NADK2: variants seen among roughly 807,000 people sequenced by gnomAD.
NADK2 encodes NAD kinase 2, mitochondrial.
NADK2 carries 35 observed loss-of-function variants against 62.1 expected under a neutral mutation model. The ratio of observed to expected loss-of-function variants is 0.56; its 90% CI spans 0.43 to 0.75. NADK2 has a LOEUF of 0.75. NADK2 is among the 30% of genes least tolerant of loss of function. The pLI is 0.00. For missense variants in NADK2, 439 were observed against 561.3 expected (o/e 0.78, Z 2.20); for synonymous variants, 205 against 207.9 (o/e 0.99, Z 0.12).
chr5:36,239,058 C>T (rs987275590), intron 1 of NADK2, among the ~76,000 whole-genome samples: 1 of 152,028 alleles, frequency 6.6e-6, no homozygotes. Flanking sequence ...AAAAAACCAC[C>T]ACCACGACAA....
At chr5:36,238,860 A>T (rs1748004517) in intron 1 of NADK2, among the ~76,000 whole-genome samples, 5 of 152,238 alleles carry the variant, frequency 3.3e-5, no homozygotes, top group Admixed American at 2.0e-4. Flanking sequence ...CAAAACTTTG[A>T]CTAGCTTGAA....
At position 36,205,231 on chromosome 5, in the gene NADK2, G is replaced by C. The variant is rs913833306; in HGVS notation, c.956+1939C>G. On this transcript the variant is annotated intron_variant, in intron 8 of 11. Coordinates refer to ENST00000381937, the MANE Select transcript of NADK2 (RefSeq NM_001085411.3). This position sits in a 1 kb window ranked among gnomAD's most constrained non-coding sequence, Gnocchi z 4.1. ...TAATAATGTAATAGCGGCTATAATA[G>C]TGCTATGAGAAAAAGTGTTAGGGAA... Among the ~76,000 whole-genome samples, 1 of 152,014 alleles carries C rather than the reference G, an allele frequency of 6.6e-6. No individual in the cohort carries two copies. Among genetic ancestry groups the C allele is most frequent in the African/African-American group, 2.4e-5 (1 of 41,404 alleles).
At chr5:36,234,811 T>C (rs1026679713) in intron 1 of NADK2, among the ~76,000 whole-genome samples, 7 of 152,154 alleles carry the variant, frequency 4.6e-5, no homozygotes, top group Non-Finnish European at 8.8e-5. Flanking sequence ...AATCTAAACT[T>C]TAAAAAGATC....
rs1747495480 is a variant in NADK2, at chr5:36,226,651, T to C, written c.390-88A>G. The C allele has an allele frequency of 7.3e-6, 6 of 820,352 alleles. No individual in the cohort carries two copies. The East Asian group carries it at 1.5e-4, about 21-fold the overall frequency. The allele number at this position is 820,352 out of a possible 1,614,324, so 50.8% of individuals were successfully genotyped here. A position where few individuals can be genotyped will look rare whatever the true frequency, so the allele number is the denominator to read the frequency against. ...TTTTCTGAGAGGCAGATGATTACAA[T>C]AGAGATGTAAAATAAATTTGTGTCT... On this transcript the variant is annotated intron_variant, in intron 2 of 11. Transcript: ENST00000381937.
chr5:36,203,287 G>A (rs181632554), intron 8 of NADK2, among the ~76,000 whole-genome samples: 2 of 152,200 alleles, frequency 1.3e-5, no homozygotes, highest in East Asian at 3.9e-4. Context: ...AGAGATAGTA[G>A]TATGATAAAA....
chr5:36,228,789 A>T lies in NADK2; in HGVS notation c.301-1224T>A, dbSNP rs865838660. Among the ~76,000 whole-genome samples, 1,835 of 131,878 alleles carry T rather than the reference A, an allele frequency of 0.014. 148 individuals are homozygous for T. The East Asian group carries it at 0.22, about 16-fold the overall frequency. The allele number at this position is 131,878 out of a possible 152,430, so 86.5% of individuals were successfully genotyped here. ...GCACACCACCACAACCAGCTAATTTATTTTATTTTTTTTTTTGGTAGAAAT... is the reference window on the plus strand; with the variant it reads ...GCACACCACCACAACCAGCTAATTTTTTTTATTTTTTTTTTTGGTAGAAAT... On this transcript the variant is annotated intron_variant, in intron 1 of 11. Transcript: ENST00000381937.
chr5:36,216,193 G>A (rs527508435), intron 6 of NADK2, among the ~76,000 whole-genome samples: 13 of 152,194 alleles, frequency 8.5e-5, no homozygotes, highest in East Asian at 3.9e-4. Context: ...GATTAGTGAC[G>A]TTGAGCATTT....
In NADK2 at chr5:36,208,494, T is replaced by C. The variant is rs2112097801; in HGVS notation, c.861-1229A>G. On this transcript the variant is annotated intron_variant, in intron 7 of 11. Coordinates refer to ENST00000381937, the MANE Select transcript of NADK2 (RefSeq NM_001085411.3). The stretch of plus-strand genomic sequence containing the variant: ...AGAGAGAAAGACAAGTACAGTCAGG[T>C]GAGAGATGCTCAGCCCAAAATAATG... The C allele has an allele frequency of 4.7e-6, 3 of 638,246 alleles. No homozygotes were observed. The East Asian group carries it at 8.3e-5, about 18-fold the overall frequency. The allele number at this position is 638,246 out of a possible 1,614,324, so 39.5% of individuals were successfully genotyped here.
intron 1 of NADK2, among the ~76,000 whole-genome samples, chr5:36,230,634 G>C (rs1345392905): frequency 6.6e-6 from 1 of 152,212 alleles, no homozygotes; most frequent in Non-Finnish European, 1.5e-5. Context: ...TGCAGAAGCA[G>C]ATGCTACAGA....
rs1561051216 is a variant in NADK2, at chr5:36,194,261, C to A, written c.*883G>T. On this transcript the variant is annotated 3_prime_UTR_variant, in exon 12 of 12. Coordinates refer to ENST00000381937, the MANE Select transcript of NADK2 (RefSeq NM_001085411.3). The stretch of plus-strand genomic sequence containing the variant: ...TTACATATTTATTAAAGAATCCATT[C>A]TTTCTGATAATACTCCTAACACAGG... The A allele has an allele frequency of 6.6e-6, 1 of 152,138 alleles. No individual in the cohort carries two copies. Among genetic ancestry groups the A allele is most frequent in the Non-Finnish European group, 1.5e-5 (1 of 68,012 alleles). The allele number at this position is 152,138 out of a possible 1,614,324, so 9.4% of individuals were successfully genotyped here.
chr5:36,201,539 C>T (rs1259488726), intron 8 of NADK2, among the ~76,000 whole-genome samples: 1 of 151,650 alleles, frequency 6.6e-6, no homozygotes, highest in African/African-American at 2.4e-5. Flanking sequence ...AGAAAGCTGA[C>T]TGAATAAATT....
At chr5:36,210,550 A>C (rs997278777) in intron 7 of NADK2, among the ~76,000 whole-genome samples, 21 of 148,652 alleles carry the variant, frequency 1.4e-4, no homozygotes, top group African/African-American at 4.6e-4. Context: ...ATCTAACATG[A>C]AAAAAAATCA....
At chr5:36,195,863 G>A (rs906938665) in intron 11 of NADK2, among the ~76,000 whole-genome samples, 1 of 152,096 alleles carries the variant, frequency 6.6e-6, no homozygotes, top group African/African-American at 2.4e-5. Context: ...TAATAGCTTT[G>A]TCTGTTCTTG....
At chr5:36,207,336 A>G in intron 7 of NADK2, 71 bp from the exon 8 acceptor site, 1 of 1,147,370 alleles carries the variant, frequency 8.7e-7, no homozygotes. Flanking sequence ...CTTCTTCAGA[A>G]CTAAGGAAAT....
intron 11 of NADK2, among the ~76,000 whole-genome samples, chr5:36,195,700 A>AAC (rs1746206124): frequency 2.6e-5 from 4 of 152,212 alleles, no homozygotes; most frequent in Admixed American, 2.6e-4. Context: ...CCAAATTATT[A>AAC]ATGTACAGTT....
chr5:36,219,203 T>C (rs959744666), intron 5 of NADK2, among the ~76,000 whole-genome samples: 4 of 152,192 alleles, frequency 2.6e-5, no homozygotes, highest in African/African-American at 9.6e-5. Context: ...TGATTTGTTC[T>C]GGTTTTTTGT....
chr5:36,236,986 C>T (rs1455429185), intron 1 of NADK2, among the ~76,000 whole-genome samples: 1 of 151,744 alleles, frequency 6.6e-6, no homozygotes, highest in Non-Finnish European at 1.5e-5. Flanking sequence ...CCCTGAAATA[C>T]CATCTTTCAC....
At position 36,200,604 on chromosome 5, in the gene NADK2, T is replaced by C. The variant is rs75655763; in HGVS notation, c.1013-324A>G. Among the ~76,000 whole-genome samples the C allele has an allele frequency of 0.012, 1,835 of 152,106 alleles. 155 individuals are homozygous for C. In the East Asian group the frequency reaches 0.21, roughly 18 times the overall value. ...AGAAATCAACAATTCATGTTTCAAA[T>C]TGCACATCATTCTGAGTAGCATGGT... On this transcript the variant is annotated intron_variant, in intron 9 of 11. Coordinates refer to ENST00000381937, the MANE Select transcript of NADK2 (RefSeq NM_001085411.3).
Position 36,241,503 on chromosome 5 carries a change from T to A in NADK2, c.296A>T (p.Gln99Leu). 6.4e-7 allele frequency: 1 copy of A among 1,552,356 alleles called. No individual in the cohort carries two copies. Residue 99 changes from glutamine (Q) to leucine (L), a missense_variant, in exon 1 of 12, where the codon CAG becomes CTG. Gln to Leu is a moderately radical substitution (Grantham distance 113). Coordinates refer to ENST00000381937, the MANE Select transcript of NADK2 (RefSeq NM_001085411.3). The surrounding 1 kb of genome is among the most constrained non-coding windows in gnomAD (Gnocchi z 4.9). ...YAELSEEDLK[Q>L]LLALKGSSYS... ...CGGGGCCGAGCCAGGACCCACCAGC[T>A]GCTTCAGGTCCTCCTCCGAGAGCTC...
Sources: allele counts gnomAD v4.1 joint callset (sites outside exome capture counted in the v4.1 genomes callset), GRCh38; gene constraint gnomAD v4.1.1; non-coding constraint Gnocchi (gnomAD v3.1); transcripts MANE v1.5; gene names NCBI Gene and HGNC (gene_info 2026-07-23, HGNC 2026-07-21).